Variants in PKN2 observed in about 807,000 individuals in gnomAD.
PKN2 encodes the protein serine/threonine-protein kinase N2.
In PKN2, 38 loss-of-function variants were observed where a neutral mutation model predicts 119.1. The observed-to-expected ratio is 0.32, with a 90% CI of 0.25 to 0.42. The LOEUF is 0.42. Ranked by LOEUF, PKN2 falls within the 10% of genes least tolerant of loss-of-function variation. PKN2 has a pLI of 1.00. For missense variants in PKN2, 850 were observed against 1,165.1 expected (o/e 0.73, Z 3.94); for synonymous variants, 390 against 384.9 (o/e 1.01, Z -0.15).
chr1:88,722,589 C>T (rs753747794), intron 1 of PKN2, among the ~76,000 whole-genome samples: 27 of 151,826 alleles, frequency 1.8e-4, no homozygotes, highest in Non-Finnish European at 3.4e-4. Flanking sequence ...GCCTGGGCAA[C>T]GTAGCACAGT....
intron 1 of PKN2, among the ~76,000 whole-genome samples, chr1:88,735,803 G>A (rs959362965): frequency 6.6e-5 from 10 of 151,906 alleles, no homozygotes; most frequent in African/African-American, 2.4e-4. Context: ...GTATTTCTTG[G>A]GGTACACTTA....
chr1:88,762,987 C>T (rs1669507734), intron 3 of PKN2, among the ~76,000 whole-genome samples: 2 of 152,104 alleles, frequency 1.3e-5, no homozygotes, highest in South Asian at 4.1e-4. Context: ...GAATGTACTT[C>T]TGATAGTAAG....
At chr1:88,770,504 T>C (rs774549071) in intron 4 of PKN2, 35 bp downstream of exon 4, 4 of 1,075,504 alleles carry the variant, frequency 3.7e-6, no homozygotes, top group Non-Finnish European at 5.8e-6. Context: ...CTTATGAGCA[T>C]AATGGTGCTA....
intron 15 of PKN2, among the ~76,000 whole-genome samples, chr1:88,810,783 T>C (rs1671750009): frequency 6.6e-6 from 1 of 151,844 alleles, no homozygotes; most frequent in South Asian, 2.1e-4. Context: ...ATTTTTGTAT[T>C]TTTAGTACAG....
At chr1:88,690,083 A>T (rs547205249) in intron 1 of PKN2, among the ~76,000 whole-genome samples, 2 of 152,206 alleles carry the variant, frequency 1.3e-5, no homozygotes, top group South Asian at 4.1e-4. Context: ...TTTTTTTGTC[A>T]TCTCTCATTA....
chr1:88,773,301 A>G (rs996101847), intron 6 of PKN2, among the ~76,000 whole-genome samples: 5 of 151,822 alleles, frequency 3.3e-5, no homozygotes, highest in African/African-American at 9.7e-5. Context: ...GGTTCAAGCA[A>G]TTCTTGTGCC....
intron 1 of PKN2, among the ~76,000 whole-genome samples, chr1:88,727,678 C>T (rs553414259): frequency 2.1e-4 from 32 of 152,214 alleles, no homozygotes; most frequent in African/African-American, 7.5e-4. Context: ...AGTGTTTCTC[C>T]GTATATCACT....
At chr1:88,740,503 A>C (rs1668534492) in intron 1 of PKN2, among the ~76,000 whole-genome samples, 1 of 152,118 alleles carries the variant, frequency 6.6e-6, no homozygotes, top group Non-Finnish European at 1.5e-5. Context: ...TTATTAAGTG[A>C]CTGCAGTGAC....
chr1:88,789,662 CATAATAATA>C (rs10573546), intron 8 of PKN2, among the ~76,000 whole-genome samples: 7 of 146,478 alleles, frequency 4.8e-5, no homozygotes, highest in South Asian at 2.2e-4. Context: ...GACTCTATCT[CATAATAATA>C]ATAATAATAA....
chr1:88,726,051 G>A (rs1667886221), intron 1 of PKN2, among the ~76,000 whole-genome samples: 2 of 152,112 alleles, frequency 1.3e-5, no homozygotes, highest in Non-Finnish European at 2.9e-5. Context: ...TATGGCTCTT[G>A]TATTCTGTGA....
intron 1 of PKN2, among the ~76,000 whole-genome samples, chr1:88,725,675 A>G (rs746392295): frequency 4.6e-5 from 7 of 152,180 alleles, no homozygotes; most frequent in African/African-American, 9.7e-5. Context: ...ATTTTCTTCT[A>G]TTATGGTATG....
intron 1 of PKN2, among the ~76,000 whole-genome samples, chr1:88,688,713 A>G (rs1666211596): frequency 6.6e-6 from 1 of 152,168 alleles, no homozygotes; most frequent in African/African-American, 2.4e-5. Flanking sequence ...AAACTTCCCA[A>G]AAGATTTAAC....
chr1:88,715,967 G>A (rs1189245328), intron 1 of PKN2, among the ~76,000 whole-genome samples: 1 of 152,154 alleles, frequency 6.6e-6, no homozygotes, highest in Non-Finnish European at 1.5e-5. Context: ...TGCTTTAAAT[G>A]TGTCCCAGAG....
intron 17 of PKN2, among the ~76,000 whole-genome samples, chr1:88,823,453 G>A (rs1672372889): frequency 6.6e-6 from 1 of 151,992 alleles, no homozygotes; most frequent in African/African-American, 2.4e-5. Flanking sequence ...TGTAATCCCA[G>A]CACTTTTGGA....
At chr1:88,832,495 A>G (rs991666635) in intron 19 of PKN2, among the ~76,000 whole-genome samples, 3 of 152,078 alleles carry the variant, frequency 2.0e-5, no homozygotes, top group Admixed American at 6.6e-5. Flanking sequence ...ATAAGGGTCT[A>G]TAAAATTTAA....
chr1:88,806,863 G>A (rs1671563124), intron 12 of PKN2, among the ~76,000 whole-genome samples: 1 of 151,998 alleles, frequency 6.6e-6, no homozygotes, highest in Admixed American at 6.6e-5. Flanking sequence ...GGGATTACAG[G>A]CATGCACCAC....
intron 1 of PKN2, among the ~76,000 whole-genome samples, chr1:88,692,736 T>A (rs1021732374): frequency 6.6e-6 from 1 of 152,246 alleles, no homozygotes; most frequent in African/African-American, 2.4e-5. Flanking sequence ...TTCTTTATAT[T>A]GCTTATGTTA....
At chr1:88,775,137 T>C (rs1410853544) in intron 6 of PKN2, among the ~76,000 whole-genome samples, 1 of 151,684 alleles carries the variant, frequency 6.6e-6, no homozygotes, top group Non-Finnish European at 1.5e-5. Flanking sequence ...GCTTATTTTA[T>C]TTTTTTTGTA....
At chr1:88,822,139 A>G (rs932846297) in intron 17 of PKN2, 136 bp downstream of exon 17, 28 of 743,962 alleles carry the variant, frequency 3.8e-5, no homozygotes, top group East Asian at 1.7e-4. Context: ...TCAAACCCCA[A>G]TGTTGAAAGA....
Sources: gnomAD v4.1 joint callset for allele counts (sites outside exome capture counted in the v4.1 genomes callset) on GRCh38, gnomAD v4.1.1 for gene constraint, MANE v1.5 for transcripts, NCBI Gene and HGNC (gene_info 2026-07-23, HGNC 2026-07-21) for gene names.